The following GRM8 variants were observed in gnomAD, a reference collection of about 807,000 sequenced individuals.
GRM8 encodes glutamate metabotropic receptor 8.
In GRM8, 47 loss-of-function variants were observed where a neutral mutation model predicts 87.2. The observed-to-expected ratio is 0.54, with a 90% confidence interval of 0.43 to 0.69. The LOEUF (loss-of-function observed/expected upper bound fraction) is 0.69. Among genes scored for constraint, GRM8 ranks in the 30% least tolerant of loss-of-function variants. GRM8 has a pLI of 0.00. For synonymous variants in GRM8, 396 were observed against 404.5 expected (o/e 0.98, Z 0.25); for missense variants, 1,019 against 1,139.2 (o/e 0.89, Z 1.52).
At chr7:126,439,915 A>C (rs769666192) in intron 10 of GRM8, among the ~76,000 whole-genome samples, 1 of 151,798 alleles carries the variant, frequency 6.6e-6, no homozygotes. Flanking sequence ...AATAGAAAAA[A>C]GTCTATCCTT....
intron 6 of GRM8, among the ~76,000 whole-genome samples, chr7:126,882,844 A>C (rs1379083750): frequency 6.6e-6 from 1 of 152,156 alleles, no homozygotes; most frequent in Non-Finnish European, 1.5e-5. Context: ...AATGTGAAAT[A>C]GTATCCTCAT....
intron 2 of GRM8, among the ~76,000 whole-genome samples, chr7:127,223,255 T>C (rs1323962129): frequency 6.6e-6 from 1 of 151,916 alleles, no homozygotes; most frequent in African/African-American, 2.4e-5. Flanking sequence ...TATTTCCTCA[T>C]CTATACCTGA....
intron 8 of GRM8, among the ~76,000 whole-genome samples, chr7:126,595,069 A>T (rs1256277910): frequency 1.3e-5 from 2 of 152,170 alleles, no homozygotes; most frequent in South Asian, 4.1e-4. Flanking sequence ...ATTAAAAAAA[A>T]ATATGCTCAG....
intron 3 of GRM8, among the ~76,000 whole-genome samples, chr7:126,977,967 TGAAAA>T: frequency 6.6e-6 from 1 of 152,066 alleles, no homozygotes; most frequent in Non-Finnish European, 1.5e-5. Context: ...AGAAATAAAT[TGAAAA>T]GAAATAGAAG....
At chr7:126,602,683 C>T (rs886766645) in intron 8 of GRM8, among the ~76,000 whole-genome samples, 3 of 150,714 alleles carry the variant, frequency 2.0e-5, no homozygotes, top group African/African-American at 7.3e-5. Context: ...GTATTTTATT[C>T]TCTTTGAAGC....
At chr7:126,689,410 A>G (rs1356393469) in intron 7 of GRM8, among the ~76,000 whole-genome samples, 1 of 152,234 alleles carries the variant, frequency 6.6e-6, no homozygotes, top group African/African-American at 2.4e-5. Context: ...AAGATAATAT[A>G]TTTAAAATGT....
intron 7 of GRM8, among the ~76,000 whole-genome samples, chr7:126,747,201 C>T (rs146186497): frequency 1.0e-3 from 156 of 152,018 alleles, no homozygotes; most frequent in African/African-American, 3.3e-3. Context: ...TATACATAGA[C>T]GTTACTTTCT....
chr7:126,716,402 G>A (rs1309909741), intron 7 of GRM8, among the ~76,000 whole-genome samples: 1 of 151,556 alleles, frequency 6.6e-6, no homozygotes, highest in African/African-American at 2.4e-5. Flanking sequence ...AAAAAAAAAA[G>A]TGTTGAAATT....
intron 7 of GRM8, among the ~76,000 whole-genome samples, chr7:126,763,134 C>T (rs571979437): frequency 1.7e-4 from 25 of 148,970 alleles, no homozygotes; most frequent in East Asian, 3.9e-4. Context: ...TTATAATTTC[C>T]GTTTTTGAAT....
At chr7:126,484,944 G>A (rs1370527034) in intron 9 of GRM8, among the ~76,000 whole-genome samples, 1 of 151,318 alleles carries the variant, frequency 6.6e-6, no homozygotes, top group African/African-American at 2.4e-5. Flanking sequence ...AGGAAAAAGT[G>A]AGTCTGACTT....
chr7:127,153,874 G>A (rs886992235), intron 2 of GRM8, among the ~76,000 whole-genome samples: 2 of 152,004 alleles, frequency 1.3e-5, no homozygotes, highest in Non-Finnish European at 2.9e-5. Context: ...TGATAGTGAA[G>A]GCCAACATAT....
rs183098949 is a variant in GRM8, at chr7:126,620,510, T to G, written c.1358-11012A>C. 5.9e-3 allele frequency among the ~76,000 whole-genome samples: 878 copies of G among 150,044 alleles called. 8 individuals are homozygous for G. Among genetic ancestry groups the G allele is most frequent in the African/African-American group, 0.02 (831 of 40,820 alleles). On this transcript the variant is annotated intron_variant, in intron 7 of 10. Transcript: ENST00000339582. ...GGGAAAATGATATATTCAATGAAGG[T>G]TTTTTTTTTCAAATGTTGGCTCTTT...
At chr7:127,029,464 G>T (rs1012347634) in intron 3 of GRM8, among the ~76,000 whole-genome samples, 8 of 152,162 alleles carry the variant, frequency 5.3e-5, no homozygotes, top group Non-Finnish European at 8.8e-5. Flanking sequence ...TTGTGTGGGA[G>T]TCTAAGTCTC....
At position 126,810,439 on chromosome 7, in the gene GRM8, G is replaced by A. The variant is rs143305921; in HGVS notation, c.1157-40374C>T. Among the ~76,000 whole-genome samples the A allele has an allele frequency of 1.4e-4, 21 of 152,206 alleles. No individual in the cohort carries two copies. In the East Asian group the frequency reaches 1.9e-3, roughly 14 times the overall value. On this transcript the variant is annotated intron_variant, in intron 6 of 10. Transcript: ENST00000339582. ...CTTACTATAACTGCACCCATGACCC[G>A]GTTGCACAGACTTAGCCTCCTTGTC...
chr7:127,124,074 A>C (rs1827230867), intron 2 of GRM8, among the ~76,000 whole-genome samples: 1 of 152,144 alleles, frequency 6.6e-6, no homozygotes, highest in Non-Finnish European at 1.5e-5. Context: ...GTGTATACTC[A>C]AGCCTCTCCA....
At chr7:126,809,007 A>G (rs1793041674) in intron 6 of GRM8, among the ~76,000 whole-genome samples, 1 of 152,218 alleles carries the variant, frequency 6.6e-6, no homozygotes, top group Admixed American at 6.5e-5. Context: ...TAACTGGGCT[A>G]AAATCAAGAG....
chr7:127,007,496 T>C (rs1814436025), intron 3 of GRM8, among the ~76,000 whole-genome samples: 1 of 152,124 alleles, frequency 6.6e-6, no homozygotes, highest in Non-Finnish European at 1.5e-5. Context: ...ACTTGTTTCA[T>C]TAATTTTTAC....
chr7:126,837,081 A>G (rs971136166), intron 6 of GRM8, among the ~76,000 whole-genome samples: 2 of 151,864 alleles, frequency 1.3e-5, no homozygotes, highest in African/African-American at 4.8e-5. Context: ...TTTTTCTTAC[A>G]TCAAGATTAT....
intron 7 of GRM8, among the ~76,000 whole-genome samples, chr7:126,731,915 T>C (rs1813636132): frequency 6.6e-6 from 1 of 152,028 alleles, no homozygotes; most frequent in South Asian, 2.1e-4. Context: ...AAATGAGATG[T>C]TCTTAAAGCA....
Sources: gnomAD v4.1 joint callset for allele counts (sites outside exome capture counted in the v4.1 genomes callset) on GRCh38, gnomAD v4.1.1 for gene constraint, MANE v1.5 for transcripts, NCBI Gene and HGNC (gene_info 2026-07-23, HGNC 2026-07-21) for gene names.